The following ADAMTSL1 variants were observed in gnomAD, a reference collection of about 807,000 sequenced individuals.
The protein encoded by ADAMTSL1 is ADAMTS-like protein 1.
ADAMTSL1 carries 126 observed loss-of-function variants against 201.8 expected under a neutral mutation model. That is an observed-to-expected ratio of 0.62 (90% CI 0.54 to 0.72). The LOEUF (loss-of-function observed/expected upper bound fraction) is 0.72. ADAMTSL1 is among the 30% of genes least tolerant of loss of function. The probability of loss-of-function intolerance (pLI) is 0.00; values close to 1 mark genes in which losing one functional copy is unlikely to be tolerated. For synonymous variants in ADAMTSL1, 1,121 were observed against 903.4 expected, an observed-to-expected ratio of 1.24 and a Z score of -4.32; for missense variants, 2,679 against 2,277.8, an observed-to-expected ratio of 1.18 and a Z score of -3.59.
At chr9:18,192,549 A>T (rs902079847) in intron 2 of ADAMTSL1, among the ~76,000 whole-genome samples, 1 of 152,280 alleles carries the variant, frequency 6.6e-6, no homozygotes, top group South Asian at 2.1e-4. Flanking sequence ...TTTGGAAAAA[A>T]TTAATAATAT....
intron 2 of ADAMTSL1, among the ~76,000 whole-genome samples, chr9:18,182,335 C>T (rs555847307): frequency 6.7e-6 from 1 of 150,192 alleles, no homozygotes; most frequent in Non-Finnish European, 1.5e-5. Context: ...ACACAATATA[C>T]TAAAAACTAC....
At chr9:18,344,483 C>T (rs1293347152) in intron 2 of ADAMTSL1, among the ~76,000 whole-genome samples, 2 of 152,048 alleles carry the variant, frequency 1.3e-5, no homozygotes, top group African/African-American at 2.4e-5. Flanking sequence ...ACATATTCTG[C>T]ACCATATCTA....
rs556639454 is a variant in ADAMTSL1, at chr9:18,644,424, A to G, written c.834+5013A>G. Among the ~76,000 whole-genome samples the G allele has an allele frequency of 3.4e-3, 514 of 151,996 alleles. 1 individual carries two copies. Among genetic ancestry groups the G allele is most frequent in the African/African-American group, 0.012 (493 of 41,460 alleles). Reference sequence around the variant, plus strand: ...TATTATACTTTAAGTTTTAGGGTACATATGCACAATGTGCAGGTTAGTTAC... The same window carrying G: ...TATTATACTTTAAGTTTTAGGGTACGTATGCACAATGTGCAGGTTAGTTAC... On this transcript the variant is annotated intron_variant, in intron 7 of 28. Transcript: ENST00000380548.
chr9:18,905,964 T>A, intron 27 of ADAMTSL1, 73 bp downstream of exon 27: 1 of 1,333,086 alleles, frequency 7.5e-7, no homozygotes, highest in Non-Finnish European at 1.0e-6. Flanking sequence ...TGAGTGAATG[T>A]TTCTCCTCCA....
intron 2 of ADAMTSL1, among the ~76,000 whole-genome samples, chr9:18,297,692 C>T (rs759583643): frequency 6.6e-6 from 1 of 152,162 alleles, no homozygotes; most frequent in Non-Finnish European, 1.5e-5. Flanking sequence ...TTTGTAGCCC[C>T]CTAGGGGTGA....
intron 4 of ADAMTSL1, 87 bp downstream of exon 4, chr9:18,574,353 C>A: frequency 2.6e-6 from 3 of 1,166,512 alleles, no homozygotes; most frequent in Non-Finnish European, 2.6e-6. Context: ...CTCTCTGAAT[C>A]ACTCATCTTT....
At chr9:18,661,510 T>C (rs1829091475) in intron 8 of ADAMTSL1, among the ~76,000 whole-genome samples, 1 of 152,192 alleles carries the variant, frequency 6.6e-6, no homozygotes, top group Admixed American at 6.5e-5. Context: ...TTTGTTTATC[T>C]ATTTGGGAGT....
intron 23 of ADAMTSL1, among the ~76,000 whole-genome samples, chr9:18,848,309 A>AT: frequency 6.6e-6 from 1 of 152,204 alleles, no homozygotes; most frequent in Non-Finnish European, 1.5e-5. Context: ...GATTGAGGAG[A>AT]TTTTACAAGT....
chr9:18,814,212 C>A (rs1823693021), intron 20 of ADAMTSL1, among the ~76,000 whole-genome samples: 1 of 152,166 alleles, frequency 6.6e-6, no homozygotes, highest in Non-Finnish European at 1.5e-5. Context: ...GTATGTTGAA[C>A]CATCCTTGTG....
intron 1 of ADAMTSL1, among the ~76,000 whole-genome samples, chr9:17,936,583 C>G (rs74732960): frequency 6.6e-6 from 1 of 152,146 alleles, no homozygotes; most frequent in Non-Finnish European, 1.5e-5. Flanking sequence ...GCAGGGCTGC[C>G]GCTCAGGCCA....
chr9:18,164,317 T>TTA (rs1827538957), intron 2 of ADAMTSL1, among the ~76,000 whole-genome samples: 1 of 151,898 alleles, frequency 6.6e-6, no homozygotes, highest in African/African-American at 2.4e-5. Context: ...ATAAGGAGAT[T>TTA]TATATGTAAA....
intron 13 of ADAMTSL1, among the ~76,000 whole-genome samples, chr9:18,696,246 G>A (rs557057935): frequency 1.3e-5 from 2 of 152,344 alleles, no homozygotes; most frequent in South Asian, 4.1e-4. Flanking sequence ...AGACCTGAAA[G>A]ATGAGTGGGA....
At chr9:17,913,235 A>G (rs1338019857) in intron 1 of ADAMTSL1, among the ~76,000 whole-genome samples, 2 of 152,170 alleles carry the variant, frequency 1.3e-5, no homozygotes, top group Non-Finnish European at 2.9e-5. Context: ...CTGTGAAGAA[A>G]GTCCTTGGTA....
At chr9:18,619,947 A>G (rs1435366628) in intron 4 of ADAMTSL1, among the ~76,000 whole-genome samples, 2 of 152,078 alleles carry the variant, frequency 1.3e-5, no homozygotes, top group East Asian at 3.9e-4. Context: ...AATGTTGCCT[A>G]AATTAAAACT....
intron 4 of ADAMTSL1, among the ~76,000 whole-genome samples, chr9:18,589,607 C>T (rs1823779660): frequency 6.6e-6 from 1 of 152,034 alleles, no homozygotes; most frequent in Non-Finnish European, 1.5e-5. Flanking sequence ...ATTTCCAGTA[C>T]TGTTTAATAA....
intron 2 of ADAMTSL1, among the ~76,000 whole-genome samples, chr9:18,284,660 T>G (rs58804955): frequency 0.033 from 5,097 of 152,278 alleles, 300 homozygotes; most frequent in African/African-American, 0.12. Flanking sequence ...CATGTTGAAT[T>G]TTTGTTTAAC....
intron 2 of ADAMTSL1, among the ~76,000 whole-genome samples, chr9:18,301,634 C>T (rs879845513): frequency 2.1e-4 from 32 of 152,158 alleles, no homozygotes; most frequent in South Asian, 2.1e-4. Context: ...GTACTCTCCT[C>T]GCCTATTTTC....
At chr9:18,065,442 T>C (rs1822652415) in intron 1 of ADAMTSL1, among the ~76,000 whole-genome samples, 1 of 152,240 alleles carries the variant, frequency 6.6e-6, no homozygotes, top group Non-Finnish European at 1.5e-5. Flanking sequence ...TCCATTTTTA[T>C]GTACCATTAT....
chr9:18,151,776 A>G (rs548645724), intron 1 of ADAMTSL1, among the ~76,000 whole-genome samples: 1 of 152,178 alleles, frequency 6.6e-6, no homozygotes, highest in African/African-American at 2.4e-5. Context: ...CCCAAAACAC[A>G]TACCATCAGA....
Sources: allele counts gnomAD v4.1 joint callset (sites outside exome capture counted in the v4.1 genomes callset), GRCh38; gene constraint gnomAD v4.1.1; transcripts MANE v1.5; gene names NCBI Gene and HGNC (gene_info 2026-07-23, HGNC 2026-07-21).